SMIM35: variants seen among roughly 807,000 people sequenced by gnomAD.
SMIM35 encodes the protein TMPRSS4 antisense RNA 1 (non-protein coding).
intron 1 of SMIM35, chr11:118,028,786 G>T: frequency 2.2e-6 from 1 of 451,022 alleles, no homozygotes. Flanking sequence ...AAAAGGAGGA[G>T]GAGGAAGAGA....
intron 1 of SMIM35, among the ~76,000 whole-genome samples, chr11:118,052,169 A>G (rs1007784329): frequency 6.6e-6 from 1 of 152,168 alleles, no homozygotes; most frequent in Admixed American, 6.5e-5. Flanking sequence ...TAAACACCAT[A>G]GAAAAGGTCA....
At chr11:118,037,180 ACTGGGGTG>A (rs750868674) in intron 1 of SMIM35, among the ~76,000 whole-genome samples, 1 of 152,172 alleles carries the variant, frequency 6.6e-6, no homozygotes, top group Non-Finnish European at 1.5e-5. Context: ...TTCCTGCTGA[ACTGGGGTG>A]TAGTAGCGGT....
chr11:118,049,322 T>C (rs1011573279), intron 1 of SMIM35, among the ~76,000 whole-genome samples: 1 of 150,920 alleles, frequency 6.6e-6, no homozygotes, highest in East Asian at 1.9e-4. Context: ...AATTCTCGCA[T>C]GTTTGTTCCA....
intron 1 of SMIM35, among the ~76,000 whole-genome samples, chr11:118,018,279 G>A (rs557582491): frequency 2.7e-4 from 41 of 152,288 alleles, no homozygotes; most frequent in African/African-American, 9.4e-4. Flanking sequence ...TGAGGACTTG[G>A]AGCAGATAAA....
chr11:118,010,016 AT>A (rs1322103221), intron 4 of SMIM35, among the ~76,000 whole-genome samples: 6 of 152,294 alleles, frequency 3.9e-5, no homozygotes, highest in Middle Eastern at 3.4e-3. Context: ...TGGGTAAAGC[AT>A]GCTGCTTTTC....
intron 1 of SMIM35, among the ~76,000 whole-genome samples, chr11:118,041,425 A>G (rs1943999304): frequency 6.6e-6 from 1 of 152,222 alleles, no homozygotes; most frequent in Non-Finnish European, 1.5e-5. Flanking sequence ...CCTCAATAAA[A>G]TTTAAAGAAT....
At chr11:118,076,005 A>G (rs1786190) in intron 1 of SMIM35, among the ~76,000 whole-genome samples, 24,703 of 152,276 alleles carry the variant, frequency 0.16, 2,163 homozygotes, top group East Asian at 0.3. Context: ...GCGGTGGCTC[A>G]CGCCATAATC....
intron 1 of SMIM35, among the ~76,000 whole-genome samples, chr11:118,036,083 C>T (rs867365930): frequency 2.4e-4 from 37 of 152,158 alleles, no homozygotes; most frequent in Middle Eastern, 3.4e-3. Context: ...GATGGGGTTT[C>T]ACCATGTTGG....
chr11:118,017,569 G>T (rs1003978530), intron 1 of SMIM35, among the ~76,000 whole-genome samples: 1 of 152,270 alleles, frequency 6.6e-6, no homozygotes, highest in African/African-American at 2.4e-5. Context: ...CAGAAAGAAA[G>T]CATTGTGAAG....
intron 1 of SMIM35, among the ~76,000 whole-genome samples, chr11:118,079,008 A>G (rs780755568): frequency 6.6e-6 from 1 of 152,104 alleles, no homozygotes; most frequent in Non-Finnish European, 1.5e-5. Flanking sequence ...AGTACACCCA[A>G]CACAGACCCT....
intron 1 of SMIM35, among the ~76,000 whole-genome samples, chr11:118,020,221 G>A (rs576177991): frequency 5.9e-5 from 9 of 152,244 alleles, no homozygotes; most frequent in East Asian, 3.9e-4. Context: ...AGCCAAGATC[G>A]CACTAGTGCA....
intron 1 of SMIM35, among the ~76,000 whole-genome samples, chr11:118,018,110 G>T (rs2135027275): frequency 6.6e-6 from 1 of 152,308 alleles, no homozygotes; most frequent in South Asian, 2.1e-4. Context: ...AGGTACAAAT[G>T]AGGCAGGAGC....
intron 2 of SMIM35, 93 bp from the exon 3 acceptor site, chr11:118,014,834 C>A: frequency 2.5e-6 from 1 of 398,034 alleles, no homozygotes; most frequent in South Asian, 1.3e-4. Context: ...TCACCCCTGT[C>A]TGGAGGAGTA....
At chr11:118,019,586 TTTTTTGAGCAGAA>T (rs2058209380) in intron 1 of SMIM35, among the ~76,000 whole-genome samples, 1 of 152,252 alleles carries the variant, frequency 6.6e-6, no homozygotes, top group Non-Finnish European at 1.5e-5. Context: ...CTATAGTGTC[TTTTTTGAGCAGAA>T]TTTTAACTAA....
At chr11:118,079,320 C>T (rs980383146) in intron 1 of SMIM35, among the ~76,000 whole-genome samples, 1 of 152,184 alleles carries the variant, frequency 6.6e-6, no homozygotes, top group Non-Finnish European at 1.5e-5. Context: ...CCATTCCCTA[C>T]CTCCTTCCAT....
chr11:118,048,199 T>C (rs1245103324), intron 1 of SMIM35, among the ~76,000 whole-genome samples: 1 of 152,192 alleles, frequency 6.6e-6, no homozygotes, highest in Non-Finnish European at 1.5e-5. Context: ...TTAAAGGAAG[T>C]AATTAATTTA....
intron 1 of SMIM35, among the ~76,000 whole-genome samples, chr11:118,081,455 C>T (rs1271758042): frequency 6.6e-6 from 1 of 152,236 alleles, no homozygotes; most frequent in African/African-American, 2.4e-5. Flanking sequence ...AGATGGAAAA[C>T]CGCAACAGTC....
chr11:118,031,454 T>A (rs586304), intron 1 of SMIM35, among the ~76,000 whole-genome samples: 66,675 of 151,886 alleles, frequency 0.44, 15,248 homozygotes, highest in Non-Finnish European at 0.5. Flanking sequence ...GGTCCTAAAA[T>A]ACAATAGGAG....
chr11:118,010,195 A>T (rs2058142917), intron 4 of SMIM35, among the ~76,000 whole-genome samples: 1 of 152,202 alleles, frequency 6.6e-6, no homozygotes, highest in Non-Finnish European at 1.5e-5. Flanking sequence ...AGCAGTTTTT[A>T]AAAAGATAAT....
Sources: allele counts gnomAD v4.1 joint callset (sites outside exome capture counted in the v4.1 genomes callset), GRCh38; gene constraint gnomAD v4.1.1; transcripts MANE v1.5; gene names NCBI Gene and HGNC (gene_info 2026-07-23, HGNC 2026-07-21).